The following TRMT11 variants were observed in gnomAD, a reference collection of about 807,000 sequenced individuals.
The protein encoded by TRMT11 is tRNA methyltransferase 11, also known as tRNA (guanine(10)-N(2))-methyltransferase TRMT11.
In TRMT11, 53 loss-of-function variants were observed where a neutral mutation model predicts 62.8. The observed-to-expected ratio is 0.84, with a 90% confidence interval of 0.68 to 1.06. The LOEUF (loss-of-function observed/expected upper bound fraction) is 1.06. Among genes scored for constraint, TRMT11 ranks in the 50% least tolerant of loss-of-function variants. The pLI is 0.00. For missense variants in TRMT11, 556 were observed against 553.4 expected, an observed-to-expected ratio of 1.00 and a Z score of -0.05; for synonymous variants, 188 against 190.3, an observed-to-expected ratio of 0.99 and a Z score of 0.10.
intron 17 of TRMT11, among the ~76,000 whole-genome samples, chr6:126,088,111 A>G (rs776402828): frequency 1.3e-5 from 2 of 151,460 alleles, no homozygotes; most frequent in Admixed American, 6.6e-5. Flanking sequence ...TATATAGTAC[A>G]TAGTCTATAT....
chr6:126,270,791 G>A, the TRMT11 span, among the ~76,000 whole-genome samples: 6 of 152,164 alleles, frequency 3.9e-5, no homozygotes, highest in African/African-American at 1.4e-4. Flanking sequence ...ATTCTGAATT[G>A]TTCCTTGTTA....
rs1778627491 is a variant in TRMT11, at chr6:126,193,488, G to GTTTTTT, written n.144-5310_144-5309insTTTTTT. 2.7e-4 allele frequency among the ~76,000 whole-genome samples: 32 copies of GTTTTTT among 118,114 alleles called. 2 individuals are homozygous for GTTTTTT. The highest frequency in any genetic ancestry group is 1.1e-3 in the African/African-American group (30 of 26,884). The allele number at this position is 118,114 out of a possible 152,430, so 77.5% of individuals were successfully genotyped here. A position where few individuals can be genotyped will look rare whatever the true frequency, so the allele number is the denominator to read the frequency against. On this transcript the variant is annotated intron_variant and non_coding_transcript_variant, in intron 1 of 3. Coordinates refer to the TRMT11 transcript ENST00000444229. ...TAGGTTATTTAAGAGGAGCGTTTCT[G>GTTTTTT]TATTTTTTTTTTTTTTTTTTTTTTT...
At chr6:126,027,415 T>C (rs1360820531) in intron 12 of TRMT11, among the ~76,000 whole-genome samples, 1 of 152,192 alleles carries the variant, frequency 6.6e-6, no homozygotes, top group African/African-American at 2.4e-5. Context: ...GCAACTTTTA[T>C]AGTCTACTCT....
At chr6:125,986,789 GGTGT>G in intron 1 of TRMT11, 167 bp downstream of exon 1, 1 of 630,794 alleles carries the variant, frequency 1.6e-6, no homozygotes. Context: ...CTTGGCGGAG[GGTGT>G]GTGTGAGAGA....
intron 17 of TRMT11, among the ~76,000 whole-genome samples, chr6:126,078,246 C>T (rs986974797): frequency 6.6e-6 from 1 of 152,080 alleles, no homozygotes; most frequent in African/African-American, 2.4e-5. Context: ...CAAATTTAGG[C>T]GAAAAGATAG....
upstream of TRMT11, among the ~76,000 whole-genome samples, chr6:126,175,728 C>T (rs1410500418): frequency 2.6e-5 from 4 of 152,148 alleles, 1 homozygote; most frequent in Admixed American, 2.6e-4. Flanking sequence ...ATATCATCAA[C>T]TCATATATCT....
intron 17 of TRMT11, among the ~76,000 whole-genome samples, chr6:126,078,506 T>G (rs1777084519): frequency 6.6e-6 from 1 of 152,118 alleles, no homozygotes; most frequent in Non-Finnish European, 1.5e-5. Flanking sequence ...GTGAAGAGGT[T>G]TCTATTTCAT....
chr6:126,167,325 C>T (rs969341914), intron 21 of TRMT11, among the ~76,000 whole-genome samples: 11 of 152,190 alleles, frequency 7.2e-5, no homozygotes, highest in Non-Finnish European at 1.2e-4. Flanking sequence ...TAGCACTGTT[C>T]CTCATGGCAC....
chr6:126,148,678 A>G (rs2128219952), intron 21 of TRMT11, among the ~76,000 whole-genome samples: 1 of 152,308 alleles, frequency 6.6e-6, no homozygotes, highest in East Asian at 1.9e-4. Flanking sequence ...GTATTATTCC[A>G]AAGTTTTTTA....
chr6:126,175,300 G>T (rs908683228), upstream of TRMT11, among the ~76,000 whole-genome samples: 2 of 152,132 alleles, frequency 1.3e-5, no homozygotes, highest in African/African-American at 4.8e-5. Flanking sequence ...TCTCCAACCT[G>T]ACACACTTGG....
intron 21 of TRMT11, among the ~76,000 whole-genome samples, chr6:126,144,829 A>G (rs1178096734): frequency 1.3e-5 from 2 of 152,194 alleles, no homozygotes; most frequent in African/African-American, 2.4e-5. Context: ...GATGTGGAAG[A>G]TGAAAAAAGC....
the TRMT11 span, among the ~76,000 whole-genome samples, chr6:126,247,244 C>A: frequency 6.6e-6 from 1 of 152,260 alleles, no homozygotes; most frequent in East Asian, 1.9e-4. Flanking sequence ...AGAGCCCAGA[C>A]TAGCAAAGTG....
chr6:126,119,329 G>A (rs563720559), intron 21 of TRMT11, among the ~76,000 whole-genome samples: 1 of 152,136 alleles, frequency 6.6e-6, no homozygotes, highest in South Asian at 2.1e-4. Flanking sequence ...TACTTTCCCT[G>A]TTGAGCTCTA....
chr6:126,038,718 A>AGCC lies in TRMT11; in HGVS notation c.1274_1275insGCC (p.Tyr425delinsTer), dbSNP rs1775667245. The AGCC allele has an allele frequency of 1.3e-6, 2 of 1,581,286 alleles. No homozygotes were observed. The highest frequency in any genetic ancestry group is 2.8e-5 in the African/African-American group (2 of 72,620). On this transcript the variant is annotated stop_gained, in exon 13 of 13. Coordinates refer to ENST00000334379, the MANE Select transcript of TRMT11 (RefSeq NM_001031712.3). LOFTEE classifies it high-confidence loss of function. ...CCAACCAAACAGAATCGGGACCAGT[A>AGCC]TTCACATCTGCTAAGTGATCATTTT...
chr6:126,240,626 G>A, the TRMT11 span, among the ~76,000 whole-genome samples: 2 of 152,174 alleles, frequency 1.3e-5, no homozygotes, highest in Admixed American at 1.3e-4. Context: ...CCTACTGGGG[G>A]GTGCCTCCCA....
the TRMT11 span, among the ~76,000 whole-genome samples, chr6:126,247,475 A>ATCTATCTATCTATCTG: frequency 0.015 from 2,257 of 147,610 alleles, 38 homozygotes; most frequent in East Asian, 0.081. Flanking sequence ...CTATCTATCT[A>ATCTATCTATCTATCTG]TCTATCTATC....
chr6:126,009,571 A>C (rs1268641248), intron 8 of TRMT11: 1 of 151,870 alleles, frequency 6.6e-6, no homozygotes, highest in Non-Finnish European at 1.5e-5. Flanking sequence ...ATTGGTGAGC[A>C]TTTATTATAC....
chr6:126,190,923 C>T (rs1486721903), intron 1 of TRMT11, among the ~76,000 whole-genome samples: 2 of 152,120 alleles, frequency 1.3e-5, no homozygotes, highest in Non-Finnish European at 2.9e-5. Flanking sequence ...GATATCTCTT[C>T]AACATACTTA....
intron 21 of TRMT11, among the ~76,000 whole-genome samples, chr6:126,139,848 G>T (rs988386840): frequency 6.6e-6 from 1 of 151,616 alleles, no homozygotes; most frequent in Non-Finnish European, 1.5e-5. Flanking sequence ...AGGTTTTTTT[G>T]GTAATTATTA....
Sources: gnomAD v4.1 joint callset for allele counts (sites outside exome capture counted in the v4.1 genomes callset) on GRCh38, gnomAD v4.1.1 for gene constraint, MANE v1.5 for transcripts, NCBI Gene and HGNC (gene_info 2026-07-23, HGNC 2026-07-21) for gene names.